Variants in PARD6B observed in about 807,000 individuals in gnomAD.
PARD6B encodes partitioning defective 6 homolog beta.
PARD6B carries 4 observed loss-of-function variants against 10.5 expected under a neutral mutation model. That is an observed-to-expected ratio of 0.38 (90% CI 0.19 to 0.87). The LOEUF is 0.87. PARD6B is among the 40% of genes least tolerant of loss of function. PARD6B has a pLI of 0.41. For synonymous variants in PARD6B, 169 were observed against 170.4 expected, an observed-to-expected ratio of 0.99 and a Z score of 0.07; for missense variants, 396 against 470.6, an observed-to-expected ratio of 0.84 and a Z score of 1.47.
chr20:50,750,787 A>G lies in PARD6B; in HGVS notation c.*299A>G, dbSNP rs2087600796. The G allele has an allele frequency of 1.8e-6, 2 of 1,124,210 alleles. No individual in the cohort carries two copies. Among genetic ancestry groups the G allele is most frequent in the Non-Finnish European group, 2.2e-6 (2 of 915,894 alleles). The allele number at this position is 1,124,210 out of a possible 1,614,324, so 69.6% of individuals were successfully genotyped here. ...ATTCTTGGAACTATGTGAGAAGACT[A>G]GATCATTTCTGTTGGAAGTGGTTGC... On this transcript the variant is annotated 3_prime_UTR_variant, in exon 3 of 3. Coordinates refer to ENST00000371610, the MANE Select transcript of PARD6B (RefSeq NM_032521.3).
chr20:50,737,329 C>T (rs945929952), intron 1 of PARD6B, among the ~76,000 whole-genome samples: 3 of 152,144 alleles, frequency 2.0e-5, no homozygotes, highest in African/African-American at 7.2e-5. Flanking sequence ...TTATTTTTTT[C>T]TGCATTAACA....
rs376855905 is a variant in PARD6B at position 50,733,166 on chromosome 20, C to A, written c.66+1314C>A. ...TGGGCGCGGTGGCTCACGCCTGTAA[C>A]CCCAGCACTTTGGGAGGCCGAGGCG... On this transcript the variant is annotated intron_variant, in intron 1 of 2. Coordinates refer to ENST00000371610, the MANE Select transcript of PARD6B (RefSeq NM_032521.3). Among the ~76,000 whole-genome samples the A allele has an allele frequency of 2.2e-4, 33 of 152,244 alleles. No homozygotes were observed. The East Asian group carries it at 5.2e-3, about 24-fold the overall frequency.
chr20:50,746,128 C>T (rs2087566712), intron 2 of PARD6B, among the ~76,000 whole-genome samples: 1 of 151,862 alleles, frequency 6.6e-6, no homozygotes, highest in Admixed American at 6.6e-5. Flanking sequence ...TTACATCTGC[C>T]TGCCACCCAC....
intron 2 of PARD6B, among the ~76,000 whole-genome samples, chr20:50,746,619 T>G (rs1005218703): frequency 2.0e-5 from 3 of 152,210 alleles, no homozygotes; most frequent in Admixed American, 6.5e-5. Flanking sequence ...TCTTTCCCAG[T>G]GGCTGGAAAC....
In PARD6B at chr20:50,749,934, G is replaced by T; in HGVS notation, c.565G>T (p.Val189Phe). The change falls in exon 3 of 3, where the codon GTT (valine) becomes TTT (phenylalanine). Residue 189 changes from valine (V) to phenylalanine (F), a missense_variant. Val to Phe is a conservative substitution (Grantham distance 50, BLOSUM62 -1). This residue lies in a region of PARD6B where 208 missense variants were observed against 300.9 expected (regional missense o/e 0.69). Coordinates refer to ENST00000371610, the MANE Select transcript of PARD6B (RefSeq NM_032521.3). ...GGTAACACCACATGGCTTAGAAAAG[G>T]TTCCAGGGATCTTTATATCCAGGCT... ...VRVTPHGLEKVPGIFISRLVP... is the reference protein window; with the variant it reads ...VRVTPHGLEKFPGIFISRLVP... The T allele has an allele frequency of 1.9e-6, 3 of 1,614,196 alleles. No homozygotes were observed. Among genetic ancestry groups the T allele is most frequent in the Non-Finnish European group, 1.7e-6 (2 of 1,180,026 alleles).
intron 1 of PARD6B, among the ~76,000 whole-genome samples, chr20:50,733,825 G>GA (rs1213524990): frequency 1.3e-5 from 2 of 152,084 alleles, no homozygotes; most frequent in East Asian, 1.9e-4. Flanking sequence ...TTTTTCCACA[G>GA]AAAAAAATGA....
chr20:50,746,464 T>G (rs1057480413), intron 2 of PARD6B, among the ~76,000 whole-genome samples: 3 of 152,252 alleles, frequency 2.0e-5, no homozygotes, highest in African/African-American at 7.2e-5. Context: ...AGTGGACAGT[T>G]GCTATGATCA....
At chr20:50,737,646 G>A (rs1160713552) in intron 1 of PARD6B, among the ~76,000 whole-genome samples, 1 of 152,110 alleles carries the variant, frequency 6.6e-6, no homozygotes, top group African/African-American at 2.4e-5. Context: ...TGAAAGGAAT[G>A]CTCTTCAGAG....
chr20:50,738,134 C>T, intron 2 of PARD6B, 55 bp downstream of exon 2: 3 of 1,332,368 alleles, frequency 2.3e-6, no homozygotes, highest in East Asian at 2.5e-5. Flanking sequence ...TGTATTTTCC[C>T]CACTGAAAGG....
rs746295892 is a variant in PARD6B, at chr20:50,750,050, C to T, written c.681C>T (p.Ser227=). Residue 227 remains serine, a synonymous_variant, in exon 3 of 3, where the codon AGC becomes AGT. Coordinates refer to ENST00000371610, the MANE Select transcript of PARD6B (RefSeq NM_032521.3). Reference sequence around the variant, plus strand: ...ATGGCATAGAAGTTTCAGGGAAGAGCCTTGATCAAGTAACAGACATGATGA... The same window carrying T: ...ATGGCATAGAAGTTTCAGGGAAGAGTCTTGATCAAGTAACAGACATGATGA... ...EVNGIEVSGK[S]LDQVTDMMIA... The T allele has an allele frequency of 2.5e-6, 4 of 1,614,150 alleles. No individual in the cohort carries two copies. Among genetic ancestry groups the T allele is most frequent in the Non-Finnish European group, 3.4e-6 (4 of 1,180,028 alleles).
intron 2 of PARD6B, 60 bp from the exon 3 acceptor site, chr20:50,749,599 T>C: frequency 7.3e-7 from 1 of 1,374,550 alleles, no homozygotes. Context: ...CAGATTCAGC[T>C]GCAAGTGAAT....
chr20:50,750,526 G>C lies in PARD6B; in HGVS notation c.*38G>C, dbSNP rs969799775. 6.3e-7 allele frequency: 1 copy of C among 1,587,918 alleles called. No individual in the cohort carries two copies. The highest frequency in any genetic ancestry group is 8.6e-7 in the Non-Finnish European group (1 of 1,167,620). On this transcript the variant is annotated 3_prime_UTR_variant, in exon 3 of 3. Transcript: ENST00000371610. Reference sequence around the variant, plus strand: ...AATGTTTTCAGAGTGAGGATGCCATGAGGACTTGTACATTTGGCTAGTTTA... The same window carrying C: ...AATGTTTTCAGAGTGAGGATGCCATCAGGACTTGTACATTTGGCTAGTTTA...
chr20:50,739,392 G>C (rs2087517752), intron 2 of PARD6B, among the ~76,000 whole-genome samples: 2 of 152,144 alleles, frequency 1.3e-5, no homozygotes, highest in Admixed American at 1.3e-4. Flanking sequence ...AGTGAGCCGA[G>C]ATCGTACCAC....
chr20:50,737,814 C>CTT lies in PARD6B; in HGVS notation c.67-28_67-27dup, dbSNP rs77434064. Reference sequence around the variant, plus strand: ...TGCATTTTCAAATTGGGTCCTTTTACTTTTTTTTTTTTTTTTAAGTAATAT... The same window carrying CTT: ...TGCATTTTCAAATTGGGTCCTTTTACTTTTTTTTTTTTTTTTTTAAGTAATAT... On this transcript the variant is annotated intron_variant, in intron 1 of 2. Coordinates refer to ENST00000371610, the MANE Select transcript of PARD6B (RefSeq NM_032521.3). The CTT allele has an allele frequency of 4.5e-3, 4,843 of 1,067,930 alleles. 3 individuals carry two copies. Among genetic ancestry groups the CTT allele is most frequent in the South Asian group, 0.012 (479 of 40,476 alleles). The allele number at this position is 1,067,930 out of a possible 1,614,324, so 66.2% of individuals were successfully genotyped here.
chr20:50,751,422 C>T lies in PARD6B; in HGVS notation c.*934C>T, dbSNP rs1476888408. On this transcript the variant is annotated 3_prime_UTR_variant, in exon 3 of 3. Coordinates refer to ENST00000371610, the MANE Select transcript of PARD6B (RefSeq NM_032521.3). ...CCAGGCTGGAGTGCAGTGGCGCGATCTTGGCTCACTGCAAGCTCTACCTCC... is the reference window on the plus strand; with the variant it reads ...CCAGGCTGGAGTGCAGTGGCGCGATTTTGGCTCACTGCAAGCTCTACCTCC... 3 of 775,146 alleles carry T rather than the reference C, an allele frequency of 3.9e-6. No individual in the cohort carries two copies. Among genetic ancestry groups the T allele is most frequent in the African/African-American group, 2.3e-5 (1 of 42,906 alleles). The allele number at this position is 775,146 out of a possible 1,614,324, so 48.0% of individuals were successfully genotyped here.
intron 1 of PARD6B, among the ~76,000 whole-genome samples, chr20:50,734,366 A>G (rs1256915082): frequency 6.6e-6 from 1 of 151,000 alleles, no homozygotes; most frequent in African/African-American, 2.4e-5. Flanking sequence ...TTTTTTTTTG[A>G]GACAGGATCT....
rs1298116533 is a variant in PARD6B at position 50,752,445 on chromosome 20, T to G, written c.*1957T>G. ...AGGTAGAGTTTATCACTATTAATTTTATGAGGCTATTTATTACTTTCCAAT... is the reference window on the plus strand; with the variant it reads ...AGGTAGAGTTTATCACTATTAATTTGATGAGGCTATTTATTACTTTCCAAT... On this transcript the variant is annotated 3_prime_UTR_variant, in exon 3 of 3. Transcript: ENST00000371610. 2 of 985,686 alleles carry G rather than the reference T, an allele frequency of 2.0e-6. No homozygotes were observed. Among genetic ancestry groups the G allele is most frequent in the Non-Finnish European group, 2.4e-6 (2 of 829,806 alleles). 61.1% of individuals were successfully genotyped at this position (985,686 alleles called of 1,614,324 possible).
intron 2 of PARD6B, among the ~76,000 whole-genome samples, chr20:50,739,127 C>T (rs575694080): frequency 1.3e-5 from 2 of 151,842 alleles, no homozygotes; most frequent in East Asian, 1.9e-4. Flanking sequence ...TAAAGACTTA[C>T]GGTATTTATA....
At position 50,752,509 on chromosome 20, in the gene PARD6B, T is replaced by G. The variant is rs2087619077; in HGVS notation, c.*2021T>G. ...ACAAGCTAAGAGTAAGGCTGCTAAC[T>G]TTAATTCCTTGCCTGATTTTATTGT... is the stretch of plus-strand genomic sequence containing the variant. On this transcript the variant is annotated 3_prime_UTR_variant, in exon 3 of 3. Transcript: ENST00000371610. 1.0e-6 allele frequency: 1 copy of G among 984,828 alleles called. No homozygotes were observed. The highest frequency in any genetic ancestry group is 1.2e-6 in the Non-Finnish European group (1 of 829,716). The allele number at this position is 984,828 out of a possible 1,614,324, so 61.0% of individuals were successfully genotyped here. A position where few individuals can be genotyped will look rare whatever the true frequency, so the allele number is the denominator to read the frequency against.
Sources: gnomAD v4.1 joint callset for allele counts (sites outside exome capture counted in the v4.1 genomes callset) on GRCh38, gnomAD v4.1.1 for gene constraint, gnomAD v4.1.1 regional missense constraint, MANE v1.5 for transcripts, NCBI Gene and HGNC (gene_info 2026-07-23, HGNC 2026-07-21) for gene names.